Variants in PLEKHM3 observed in about 807,000 individuals in gnomAD.
PLEKHM3 encodes pleckstrin homology domain-containing family M member 3.
Under a neutral mutation model 81.8 loss-of-function variants are expected in PLEKHM3, and 45 were observed. That is an observed-to-expected ratio of 0.55 (90% CI 0.43 to 0.71). The LOEUF is 0.71. Ranked by LOEUF, PLEKHM3 falls within the 30% of genes least tolerant of loss-of-function variation. The probability of loss-of-function intolerance (pLI) is 0.00; values close to 1 mark genes in which losing one functional copy is unlikely to be tolerated. For missense variants in PLEKHM3, 788 were observed against 924.3 expected (o/e 0.85, Z 1.91); for synonymous variants, 352 against 356.4 (o/e 0.99, Z 0.14).
At chr2:207,857,358 GCAAT>G (rs1039406140) in intron 7 of PLEKHM3, among the ~76,000 whole-genome samples, 28 of 152,118 alleles carry the variant, frequency 1.8e-4, no homozygotes, top group African/African-American at 6.7e-4. Context: ...GTGGAGTTTG[GCAAT>G]TTTTTTTTTG....
chr2:207,824,557 G>T lies in PLEKHM3; in HGVS notation c.*3762C>A, dbSNP rs563637450. 6.6e-6 allele frequency: 1 copy of T among 152,320 alleles called. No individual in the cohort carries two copies. The highest frequency in any genetic ancestry group is 1.9e-4 in the East Asian group (1 of 5,182). 9.4% of individuals were successfully genotyped at this position (152,320 alleles called of 1,614,324 possible). On this transcript the variant is annotated 3_prime_UTR_variant, in exon 8 of 8. Coordinates refer to ENST00000427836, the MANE Select transcript of PLEKHM3 (RefSeq NM_001080475.3). The stretch of plus-strand genomic sequence containing the variant: ...GAAAATGTTCAGTGTGCGTGGCATC[G>T]TGCTAGTCCCACCTGGATATACTAA...
At chr2:207,855,825 C>T (rs1246635572) in intron 7 of PLEKHM3, among the ~76,000 whole-genome samples, 1 of 152,126 alleles carries the variant, frequency 6.6e-6, no homozygotes, top group Non-Finnish European at 1.5e-5. Context: ...AACTGTCACA[C>T]CCAAGAGGAG....
At chr2:207,901,603 C>T (rs1688428810) in intron 6 of PLEKHM3, among the ~76,000 whole-genome samples, 1 of 152,202 alleles carries the variant, frequency 6.6e-6, no homozygotes, top group South Asian at 2.1e-4. Context: ...TCAAGATACA[C>T]CTGCTCTCTT....
At chr2:207,938,043 G>C (rs1212096305) in intron 4 of PLEKHM3, among the ~76,000 whole-genome samples, 1 of 152,160 alleles carries the variant, frequency 6.6e-6, no homozygotes, top group Non-Finnish European at 1.5e-5. Context: ...TGTAGAAATA[G>C]GAAATGGTTT....
chr2:207,910,609 G>A (rs1260049406), intron 5 of PLEKHM3, among the ~76,000 whole-genome samples: 1 of 152,148 alleles, frequency 6.6e-6, no homozygotes, highest in Non-Finnish European at 1.5e-5. Flanking sequence ...TCTTGGGGCT[G>A]GGGGTAGGGA....
rs543027767 is a variant in PLEKHM3, at chr2:207,946,177, A to G, written c.1692+190T>C. Among the ~76,000 whole-genome samples, 7 of 152,354 alleles carry G rather than the reference A, an allele frequency of 4.6e-5. No individual in the cohort carries two copies. In the South Asian group the frequency reaches 1.4e-3, roughly 32 times the overall value. On this transcript the variant is annotated intron_variant, in intron 4 of 7. Transcript: ENST00000427836. ...TATGTCTTTTTAAATGAGGAAACTA[A>G]TAAGAGTCATAGTTAAGAAGCCTTT...
chr2:207,902,552 G>A (rs2105891550), intron 6 of PLEKHM3, among the ~76,000 whole-genome samples: 1 of 152,226 alleles, frequency 6.6e-6, no homozygotes, highest in East Asian at 1.9e-4. Flanking sequence ...TAGCAAAAAA[G>A]TTAACTGAAG....
intron 6 of PLEKHM3, among the ~76,000 whole-genome samples, chr2:207,871,548 AAATTTC>A (rs1222334186): frequency 6.6e-6 from 1 of 152,196 alleles, no homozygotes; most frequent in Non-Finnish European, 1.5e-5. Context: ...AAGATTTAAA[AAATTTC>A]AATTTCATTT....
intron 6 of PLEKHM3, among the ~76,000 whole-genome samples, chr2:207,881,882 C>T (rs1471289266): frequency 6.6e-6 from 1 of 152,134 alleles, no homozygotes; most frequent in East Asian, 1.9e-4. Flanking sequence ...GTCTGGCCTA[C>T]TGGATTTCTT....
intron 6 of PLEKHM3, among the ~76,000 whole-genome samples, chr2:207,890,206 G>C (rs1056899135): frequency 6.6e-6 from 1 of 152,202 alleles, no homozygotes; most frequent in Non-Finnish European, 1.5e-5. Flanking sequence ...CTAGAAAACA[G>C]GTAGTTAACA....
intron 6 of PLEKHM3, among the ~76,000 whole-genome samples, chr2:207,880,783 A>AAAAAAAAAAAAAAAAAAAAC (rs1559219094): frequency 4.3e-5 from 6 of 138,984 alleles, no homozygotes; most frequent in African/African-American, 1.3e-4. Context: ...AAAAAAAAAA[A>AAAAAAAAAAAAAAAAAAAAC]AAAAACCAAA....
At chr2:207,894,308 C>T (rs1688152008) in intron 6 of PLEKHM3, among the ~76,000 whole-genome samples, 1 of 152,114 alleles carries the variant, frequency 6.6e-6, no homozygotes, top group Admixed American at 6.6e-5. Flanking sequence ...ACCGTGGCAC[C>T]AGTTGAAACT....
At position 207,975,817 on chromosome 2, in the gene PLEKHM3, G is replaced by A. The variant is rs145578796; in HGVS notation, c.1546+834C>T. On this transcript the variant is annotated intron_variant, in intron 3 of 7. Transcript: ENST00000427836. ...TCACTATGTTGGCCAGGCTGGTCTT[G>A]AACTCCTGACCTCAAGTAATCCACC... 6.6e-3 allele frequency among the ~76,000 whole-genome samples: 993 copies of A among 151,114 alleles called. 6 individuals are homozygous for A. Among genetic ancestry groups the A allele is most frequent in the Middle Eastern group, 0.024 (7 of 290 alleles).
rs1486317288 is a variant in PLEKHM3, at chr2:207,961,247, GAGA to G, written c.1547-14738_1547-14736del. 2.6e-5 allele frequency among the ~76,000 whole-genome samples: 4 copies of G among 152,184 alleles called. No homozygotes were observed. The East Asian group carries it at 7.7e-4, about 29-fold the overall frequency. The stretch of plus-strand genomic sequence containing the variant: ...AAAAACATCTTTATTGATGAAGATG[GAGA>G]AGGAGACCAAGACTCAAACTAAGTC... On this transcript the variant is annotated intron_variant, in intron 3 of 7. Coordinates refer to ENST00000427836, the MANE Select transcript of PLEKHM3 (RefSeq NM_001080475.3).
intron 5 of PLEKHM3, among the ~76,000 whole-genome samples, chr2:207,927,213 T>C (rs906842156): frequency 6.6e-6 from 1 of 152,210 alleles, no homozygotes; most frequent in Non-Finnish European, 1.5e-5. Context: ...CCACTTTAGA[T>C]GTCGTATCCT....
At chr2:207,961,216 C>T (rs1239844356) in intron 3 of PLEKHM3, among the ~76,000 whole-genome samples, 2 of 152,138 alleles carry the variant, frequency 1.3e-5, no homozygotes, top group South Asian at 2.1e-4. Flanking sequence ...TGGTCTGGGG[C>T]TCAAGAAAAA....
rs377380772 is a variant in PLEKHM3, at chr2:207,976,973, G to A, written c.1224C>T (p.Asp408=). The A allele has an allele frequency of 1.3e-4, 214 of 1,614,176 alleles. No individual in the cohort carries two copies. Among genetic ancestry groups the A allele is most frequent in the African/African-American group, 9.7e-4 (73 of 75,058 alleles). ...TGTCCATCTGGACAGCCAGACACAC[G>A]TCCACGTTGTAGCTCAACAGTGGAT... ...DEDPLLSYNV[D]VCLAVQMDNL... is the part of the protein sequence containing the mutation. The change falls in exon 3 of 8, where the codon GAC becomes GAT. Residue 408 remains aspartate, a synonymous_variant. Transcript: ENST00000427836. This position sits in a 1 kb window ranked among gnomAD's most constrained non-coding sequence, Gnocchi z 4.1.
At chr2:207,960,978 T>A (rs185632232) in intron 3 of PLEKHM3, among the ~76,000 whole-genome samples, 1 of 152,216 alleles carries the variant, frequency 6.6e-6, no homozygotes, top group Non-Finnish European at 1.5e-5. Flanking sequence ...TCAACTGATA[T>A]TTTCTAACAT....
chr2:208,014,339 T>C (rs1692802022), intron 1 of PLEKHM3, among the ~76,000 whole-genome samples: 1 of 152,152 alleles, frequency 6.6e-6, no homozygotes, highest in African/African-American at 2.4e-5. Flanking sequence ...TTATAAGGTA[T>C]GAAGGATAAG....
Sources: gnomAD v4.1 joint callset for allele counts (sites outside exome capture counted in the v4.1 genomes callset) on GRCh38, gnomAD v4.1.1 for gene constraint, Gnocchi (gnomAD v3.1) non-coding constraint, MANE v1.5 for transcripts, NCBI Gene and HGNC (gene_info 2026-07-23, HGNC 2026-07-21) for gene names.